The following PALS1 variants were observed in gnomAD, a reference collection of about 807,000 sequenced individuals.
PALS1 encodes protein PALS1.
Under a neutral mutation model 78.9 loss-of-function variants are expected in PALS1, and 31 were observed. That is an observed-to-expected ratio of 0.39 (90% CI 0.30 to 0.53). The LOEUF is 0.53. PALS1 is among the 20% of genes least tolerant of loss of function. The probability of loss-of-function intolerance (pLI) is 0.67; values close to 1 mark genes in which losing one functional copy is unlikely to be tolerated. For synonymous variants in PALS1, 276 were observed against 270.9 expected, an observed-to-expected ratio of 1.02 and a Z score of -0.18; for missense variants, 704 against 826.5, an observed-to-expected ratio of 0.85 and a Z score of 1.82.
chr14:67,326,481 G>T (rs912320716), intron 14 of PALS1, among the ~76,000 whole-genome samples: 6 of 151,930 alleles, frequency 3.9e-5, no homozygotes, highest in Admixed American at 2.6e-4. Context: ...TTACTTTGCT[G>T]AAGTATATTT....
intron 1 of PALS1, among the ~76,000 whole-genome samples, chr14:67,242,991 A>T (rs960402561): frequency 2.6e-5 from 4 of 152,230 alleles, no homozygotes; most frequent in African/African-American, 9.6e-5. Flanking sequence ...TAAAAATCTC[A>T]TCACAGGGGC....
intron 4 of PALS1, among the ~76,000 whole-genome samples, chr14:67,295,675 C>T (rs1223330750): frequency 2.0e-5 from 3 of 152,078 alleles, no homozygotes; most frequent in African/African-American, 7.2e-5. Flanking sequence ...TACACTGACA[C>T]CAGAATGACA....
chr14:67,279,617 G>T, intron 3 of PALS1, 80 bp downstream of exon 3: 2 of 1,333,610 alleles, frequency 1.5e-6, no homozygotes, highest in Non-Finnish European at 1.0e-6. Flanking sequence ...GAAGGAAGAG[G>T]GTTTAAGAGA....
chr14:67,309,606 A>G lies in PALS1; in HGVS notation c.1042-2921A>G, dbSNP rs771673365. 1.1e-4 allele frequency among the ~76,000 whole-genome samples: 16 copies of G among 152,200 alleles called. No homozygotes were observed. The East Asian group carries it at 1.5e-3, about 15-fold the overall frequency. On this transcript the variant is annotated intron_variant, in intron 8 of 14. Transcript: ENST00000261681. Reference sequence around the variant, plus strand: ...ATGAGAACTGCATAGGCAAGAGTACATGGAAAAGCATCTCTGGGTGATTTT... The same window carrying G: ...ATGAGAACTGCATAGGCAAGAGTACGTGGAAAAGCATCTCTGGGTGATTTT...
intron 1 of PALS1, among the ~76,000 whole-genome samples, chr14:67,242,159 A>G (rs1487005643): frequency 6.6e-6 from 1 of 152,210 alleles, no homozygotes; most frequent in Non-Finnish European, 1.5e-5. Flanking sequence ...GCTTTAAACG[A>G]TCTTTGTAGT....
intron 8 of PALS1, among the ~76,000 whole-genome samples, chr14:67,309,030 G>A (rs184572051): frequency 6.6e-6 from 1 of 151,992 alleles, no homozygotes; most frequent in Non-Finnish European, 1.5e-5. Context: ...GAAAATGTTG[G>A]GCTGGAAGAT....
chr14:67,333,609 A>C lies in PALS1; in HGVS notation c.*653A>C, dbSNP rs2141074646. On this transcript the variant is annotated 3_prime_UTR_variant, in exon 15 of 15. Transcript: ENST00000261681. ...CAGTTTTTTTGCTCAGACTTTGTGG[A>C]TCAGACTCTACACTCAACACACTCT... is the stretch of plus-strand genomic sequence containing the variant. 6.5e-6 allele frequency: 1 copy of C among 152,752 alleles called. No individual in the cohort carries two copies. The highest frequency in any genetic ancestry group is 2.1e-4 in the South Asian group (1 of 4,824). The allele number at this position is 152,752 out of a possible 1,614,324, so 9.5% of individuals were successfully genotyped here. A position where few individuals can be genotyped will look rare whatever the true frequency, so the allele number is the denominator to read the frequency against.
chr14:67,252,150 TG>T (rs1183801370), intron 1 of PALS1, among the ~76,000 whole-genome samples: 1 of 152,212 alleles, frequency 6.6e-6, no homozygotes, highest in Non-Finnish European at 1.5e-5. Context: ...AGTGCCTTTC[TG>T]AGTTCTGGGG....
rs1401628446 is a variant in PALS1 at position 67,292,536 on chromosome 14, T to C, written c.393T>C (p.Leu131=). ...AAATAGAAGACTTGTTTTCTTCACT[T>C]AAACATATCCAACATACTTTGGTAG... ...ILEIEDLFSS[L]KHIQHTLVDS... Residue 131 remains leucine (L), a synonymous_variant, in exon 4 of 15, where the codon CTT becomes CTC. Coordinates refer to ENST00000261681, the MANE Select transcript of PALS1 (RefSeq NM_022474.4). 6.2e-7 allele frequency: 1 copy of C among 1,612,730 alleles called. No individual in the cohort carries two copies. The highest frequency in any genetic ancestry group is 8.5e-7 in the Non-Finnish European group (1 of 1,178,892).
At position 67,332,365 on chromosome 14, in the gene PALS1, A is replaced by G. The variant is rs547177932; in HGVS notation, c.1852-415A>G. Among the ~76,000 whole-genome samples, 4 of 152,306 alleles carry G rather than the reference A, an allele frequency of 2.6e-5. 1 individual carries two copies. The South Asian group carries it at 8.3e-4, about 32-fold the overall frequency. ...GGCTCTTTACTAGAGCCAAAAGTAA[A>G]TGGCATTTTAGGTCCTTGCTCCAAC... On this transcript the variant is annotated intron_variant, in intron 14 of 14. Coordinates refer to ENST00000261681, the MANE Select transcript of PALS1 (RefSeq NM_022474.4).
chr14:67,264,178 GTGTT>G (rs2084282071), intron 1 of PALS1, among the ~76,000 whole-genome samples: 1 of 152,190 alleles, frequency 6.6e-6, no homozygotes, highest in South Asian at 2.1e-4. Flanking sequence ...TTATTTTAAA[GTGTT>G]TGTTAGGCCA....
intron 3 of PALS1, 30 bp downstream of exon 3, chr14:67,279,567 C>T: frequency 1.3e-6 from 2 of 1,500,126 alleles, no homozygotes. Flanking sequence ...TAACAGAAAA[C>T]ATTTTGCTTT....
chr14:67,268,168 T>G (rs1204443099), intron 1 of PALS1, among the ~76,000 whole-genome samples: 1 of 152,246 alleles, frequency 6.6e-6, no homozygotes. Flanking sequence ...CCATTTTACA[T>G]TCTCATCAGC....
At chr14:67,316,212 C>T (rs2085173436) in intron 9 of PALS1, among the ~76,000 whole-genome samples, 1 of 152,096 alleles carries the variant, frequency 6.6e-6, no homozygotes, top group Admixed American at 6.5e-5. Context: ...AAAAGAAAAC[C>T]TCTTTCAAGG....
intron 11 of PALS1, among the ~76,000 whole-genome samples, chr14:67,319,841 T>C (rs1170298783): frequency 2.0e-5 from 3 of 152,230 alleles, no homozygotes; most frequent in Admixed American, 1.3e-4. Flanking sequence ...GTATACATTA[T>C]GTCTGATTCT....
intron 8 of PALS1, among the ~76,000 whole-genome samples, chr14:67,311,048 G>A (rs1020309878): frequency 6.6e-6 from 1 of 151,870 alleles, no homozygotes; most frequent in Non-Finnish European, 1.5e-5. Flanking sequence ...GTGGTGGCTC[G>A]TGTCTGTAAT....
chr14:67,290,604 C>T (rs1845472789), intron 3 of PALS1, among the ~76,000 whole-genome samples: 1 of 152,182 alleles, frequency 6.6e-6, no homozygotes, highest in South Asian at 2.1e-4. Flanking sequence ...CACCATGTTG[C>T]CCAGGCTGGT....
intron 3 of PALS1, 36 bp from the exon 4 acceptor site, chr14:67,292,475 C>A (rs1378196830): frequency 7.3e-7 from 1 of 1,378,318 alleles, no homozygotes; most frequent in African/African-American, 1.4e-5. Flanking sequence ...AATACTGAAA[C>A]AGTTAATTTT....
rs1394620084 is a variant in PALS1 at position 67,334,348 on chromosome 14, G to T, written c.*1392G>T. 6.6e-6 allele frequency: 1 copy of T among 152,542 alleles called. No homozygotes were observed. Among genetic ancestry groups the T allele is most frequent in the East Asian group, 1.9e-4 (1 of 5,200 alleles). 9.4% of individuals were successfully genotyped at this position (152,542 alleles called of 1,614,324 possible). A position where few individuals can be genotyped will look rare whatever the true frequency, so the allele number is the denominator to read the frequency against. Reference sequence around the variant, plus strand: ...ATTTGCAGTCTTTTCAAGCCTTTAGGATAGTGTGATGTGTAACAAACAACC... The same window carrying T: ...ATTTGCAGTCTTTTCAAGCCTTTAGTATAGTGTGATGTGTAACAAACAACC... On this transcript the variant is annotated 3_prime_UTR_variant, in exon 15 of 15. Transcript: ENST00000261681.
Sources: gnomAD v4.1 joint callset for allele counts (sites outside exome capture counted in the v4.1 genomes callset) on GRCh38, gnomAD v4.1.1 for gene constraint, MANE v1.5 for transcripts, NCBI Gene and HGNC (gene_info 2026-07-23, HGNC 2026-07-21) for gene names.